MYB: variants seen among roughly 807,000 people sequenced by gnomAD.
MYB encodes transcriptional activator Myb.
A neutral mutation model predicts 92.9 loss-of-function variants in MYB; 28 were observed. The ratio of observed to expected loss-of-function variants is 0.30; its 90% confidence interval spans 0.22 to 0.41. MYB has a LOEUF of 0.41. Among genes scored for constraint, MYB ranks in the 10% least tolerant of loss-of-function variants. MYB has a pLI of 1.00. For synonymous variants in MYB, 295 were observed against 329.1 expected (o/e 0.90, Z 1.12); for missense variants, 679 against 929.3 (o/e 0.73, Z 3.50).
chr6:135,202,930 T>C (rs1778333395), intron 14 of MYB: 1 of 636,712 alleles, frequency 1.6e-6, no homozygotes, highest in African/African-American at 1.8e-5. Flanking sequence ...GGCATGTATT[T>C]ATTAATTCAT....
At chr6:135,184,125 T>A (rs530952525) in intron 1 of MYB, among the ~76,000 whole-genome samples, 1 of 152,254 alleles carries the variant, frequency 6.6e-6, no homozygotes, top group Admixed American at 6.5e-5. Context: ...AAAAATGTGC[T>A]CAGTTCTGAA....
chr6:135,185,796 C>A, intron 1 of MYB, 107 bp from the exon 2 acceptor site: 2 of 907,282 alleles, frequency 2.2e-6, no homozygotes, highest in Non-Finnish European at 3.5e-6. Flanking sequence ...GTTTTGTCTT[C>A]ATAACCTTTG....
Position 135,204,895 on chromosome 6 carries a change from G to A in MYB, c.2169+1571G>A, listed in dbSNP as rs56398435. ...GGCCAAGGCGGGTGGATAACTTGAG[G>A]TCAGGAGTTTGAGACCAGCCTGGCC... is the stretch of plus-strand genomic sequence containing the variant. On this transcript the variant is annotated intron_variant, in intron 15 of 15. Coordinates refer to ENST00000341911, the MANE Select transcript of MYB (RefSeq NM_001130173.2). Among the ~76,000 whole-genome samples the A allele has an allele frequency of 2.3e-3, 346 of 152,170 alleles. 3 individuals carry two copies. Among genetic ancestry groups the A allele is most frequent in the East Asian group, 0.016 (83 of 5,172 alleles).
chr6:135,195,353 T>TGG, intron 8 of MYB: 2 of 139,836 alleles, frequency 1.4e-5, no homozygotes, highest in South Asian at 1.3e-4. Flanking sequence ...AACTCCTGAG[T>TGG]CCTCTAGCTT....
intron 15 of MYB, among the ~76,000 whole-genome samples, chr6:135,210,604 A>G (rs565000520): frequency 2.0e-5 from 3 of 152,338 alleles, no homozygotes; most frequent in South Asian, 2.1e-4. Flanking sequence ...GGCACTGCTG[A>G]GCAGTATAAT....
In MYB at chr6:135,217,878, C is replaced by T; in HGVS notation, c.2184C>T (p.Thr728=). 1 of 1,611,696 alleles carries T rather than the reference C, an allele frequency of 6.2e-7. No homozygotes were observed. The highest frequency in any genetic ancestry group is 2.2e-5 in the East Asian group (1 of 44,862). The change falls in exon 16 of 16, where the codon ACC becomes ACT. Residue 728 remains threonine, a synonymous_variant. Coordinates refer to ENST00000341911, the MANE Select transcript of MYB (RefSeq NM_001130173.2). ...TTCTCCATCAGCCTTGTAGCAGTACCTGGGAACCTGCATCCTGTGGAAAGA... is the reference window on the plus strand; with the variant it reads ...TTCTCCATCAGCCTTGTAGCAGTACTTGGGAACCTGCATCCTGTGGAAAGA... ...LASPLQPCSS[T]WEPASCGKME... is the part of the protein sequence containing the mutation.
chr6:135,196,624 T>C, intron 9 of MYB: 1 of 743,996 alleles, frequency 1.3e-6, no homozygotes, highest in Non-Finnish European at 2.0e-6. Context: ...CCTTTCCCAG[T>C]TGATTAAAAA....
chr6:135,212,224 C>CTTTTTTTTTTTGTTT (rs1779813183), intron 15 of MYB, among the ~76,000 whole-genome samples: 1 of 32,882 alleles, frequency 3.0e-5, no homozygotes, highest in Non-Finnish European at 5.3e-5. Flanking sequence ...TTTGGTTTTA[C>CTTTTTTTTTTTGTTT]TTTTTTTTTT....
At chr6:135,195,668 C>T (rs1281569081) in intron 8 of MYB, 80 bp from the exon 9 acceptor site, 3 of 1,496,242 alleles carry the variant, frequency 2.0e-6, no homozygotes, top group Admixed American at 3.5e-5. Context: ...GCATCTGATA[C>T]CTTGTGCAAC....
At chr6:135,204,343 G>T (rs1293688871) in intron 15 of MYB, among the ~76,000 whole-genome samples, 1 of 152,192 alleles carries the variant, frequency 6.6e-6, no homozygotes, top group Admixed American at 6.5e-5. Flanking sequence ...CGGTGGCCCA[G>T]GCTGGAGTGT....
chr6:135,197,606 A>C lies in MYB; in HGVS notation c.1566+283A>C, dbSNP rs117003067. Among the ~76,000 whole-genome samples the C allele has an allele frequency of 1.1e-4, 17 of 152,342 alleles. No individual in the cohort carries two copies. In the East Asian group the frequency reaches 3.3e-3, roughly 29 times the overall value. On this transcript the variant is annotated intron_variant, in intron 10 of 15. Coordinates refer to ENST00000341911, the MANE Select transcript of MYB (RefSeq NM_001130173.2). ...TTTATTTCCTTCAACACTAGAGTTT[A>C]ACATTTCTGTCCCTTTCTTTTTCTC...
At position 135,182,487 on chromosome 6, in the gene MYB, G is replaced by T. The variant is rs1269866618; in HGVS notation, c.23+951G>T. ...ACAGAGGCCGGCAGCACCCAAGGCC[G>T]CTGCCGCGCAACCGGGACGCGATCC... On this transcript the variant is annotated intron_variant, in intron 1 of 15. Coordinates refer to ENST00000341911, the MANE Select transcript of MYB (RefSeq NM_001130173.2). This position sits in a 1 kb window ranked among gnomAD's most constrained non-coding sequence, Gnocchi z 5.6. Among the ~76,000 whole-genome samples the T allele has an allele frequency of 6.6e-6, 1 of 152,174 alleles. No individual in the cohort carries two copies. The highest frequency in any genetic ancestry group is 6.5e-5 in the Admixed American group (1 of 15,284).
intron 6 of MYB, 98 bp downstream of exon 6, chr6:135,192,656 T>C (rs555065633): frequency 1.9e-5 from 22 of 1,156,164 alleles, no homozygotes; most frequent in Non-Finnish European, 2.8e-5. Context: ...CAGAGAACTT[T>C]CCTGAGCATG....
At position 135,197,262 on chromosome 6, in the gene MYB, A is replaced by G. The variant is rs1219354338; in HGVS notation, c.1505A>G (p.Asp502Gly). 6.2e-7 allele frequency: 1 copy of G among 1,613,908 alleles called. No homozygotes were observed. The highest frequency in any genetic ancestry group is 2.2e-5 in the East Asian group (1 of 44,884). The change falls in exon 10 of 16, where the codon GAC becomes GGC. Residue 502 changes from aspartate (D) to glycine (G), a missense_variant. Physicochemically the swap from Asp to Gly is moderately conservative, Grantham distance 94. This residue lies in a region of MYB where 402 missense variants were observed against 434.2 expected (regional missense o/e 0.93). Transcript: ENST00000341911. ...TGDCSSFIFA[D>G]VSSSTPKRSP... ...GACTGTAGCTCCTTCATATTTGCTG[A>G]CGTCAGCAGTTCAACTCCCAAGCGT...
intron 14 of MYB, 194 bp from the exon 15 acceptor site, chr6:135,203,023 A>T (rs1305836091): frequency 1.4e-5 from 10 of 703,430 alleles, no homozygotes; most frequent in Non-Finnish European, 2.1e-5. Flanking sequence ...GATGTTTGCC[A>T]CAATGGGATT....
chr6:135,206,498 C>A (rs1182249912), intron 15 of MYB, among the ~76,000 whole-genome samples: 7 of 151,794 alleles, frequency 4.6e-5, no homozygotes, highest in Admixed American at 2.0e-4. Flanking sequence ...GAGTTTGAGA[C>A]CAACCTGGCC....
chr6:135,216,875 A>G (rs1780519937), intron 15 of MYB, among the ~76,000 whole-genome samples: 1 of 152,186 alleles, frequency 6.6e-6, no homozygotes, highest in African/African-American at 2.4e-5. Context: ...CCAGTCCACC[A>G]CTTACCTACA....
At chr6:135,183,663 C>CA (rs1775488668) in intron 1 of MYB, among the ~76,000 whole-genome samples, 1 of 152,230 alleles carries the variant, frequency 6.6e-6, no homozygotes, top group Non-Finnish European at 1.5e-5. Flanking sequence ...CCTGGGTGGC[C>CA]AGCCTGGCAG....
intron 8 of MYB, chr6:135,195,183 T>G: frequency 1.1e-6 from 1 of 927,428 alleles, no homozygotes; most frequent in Non-Finnish European, 1.4e-6. Flanking sequence ...TGTTTTGCAA[T>G]TTCTCCTGTT....
Sources: allele counts gnomAD v4.1 joint callset (sites outside exome capture counted in the v4.1 genomes callset), GRCh38; gene constraint gnomAD v4.1.1; regional missense constraint gnomAD v4.1.1; non-coding constraint Gnocchi (gnomAD v3.1); transcripts MANE v1.5; gene names NCBI Gene and HGNC (gene_info 2026-07-23, HGNC 2026-07-21).